RFX7: variants seen among roughly 807,000 people sequenced by gnomAD.
RFX7 encodes the protein regulatory factor X7, also known as DNA-binding protein RFX7.
RFX7 carries 26 observed loss-of-function variants against 111.8 expected under a neutral mutation model. The ratio of observed to expected loss-of-function variants is 0.23; its 90% CI spans 0.17 to 0.32. The LOEUF (loss-of-function observed/expected upper bound fraction) is 0.32, where lower values mean the gene tolerates loss of function less well. RFX7 is among the 10% of genes least tolerant of loss of function. The pLI, the probability that RFX7 is intolerant of heterozygous loss-of-function variation, is 1.00. For missense variants in RFX7, 1,573 were observed against 1,772.9 expected (o/e 0.89, Z 2.02); for synonymous variants, 624 against 624.4 (o/e 1.00, Z 0.01).
At chr15:56,183,317 T>G (rs1032579571) in intron 2 of RFX7, among the ~76,000 whole-genome samples, 1 of 152,134 alleles carries the variant, frequency 6.6e-6, no homozygotes, top group African/African-American at 2.4e-5. Flanking sequence ...TTTTTTTCCT[T>G]TATGAGTTAT....
chr15:56,096,000 G>C lies in RFX7; in HGVS notation c.1728C>G (p.Asp576Glu). 1 of 1,612,418 alleles carries C rather than the reference G, an allele frequency of 6.2e-7. No homozygotes were observed. The highest frequency in any genetic ancestry group is 8.5e-7 in the Non-Finnish European group (1 of 1,179,416). ...SALLGQKSNT[D>E]GALQKPSNEG... ...CATTTGAAGGTTTCTGCAGTGCTCCGTCTGTATTACTTTTCTGCCCCAAAA... is the reference window on the plus strand; with the variant it reads ...CATTTGAAGGTTTCTGCAGTGCTCCCTCTGTATTACTTTTCTGCCCCAAAA... The change falls in exon 10 of 10, where the codon GAC becomes GAG. Residue 576 changes from aspartate (D) to glutamate (E), a missense_variant. Transcript: ENST00000559447.
intron 3 of RFX7, among the ~76,000 whole-genome samples, chr15:56,164,449 G>A (rs1430947966): frequency 6.6e-6 from 1 of 152,146 alleles, no homozygotes; most frequent in Non-Finnish European, 1.5e-5. Flanking sequence ...CTTAGATATG[G>A]AGCAAGCCAT....
At chr15:56,183,603 C>T (rs1469710202) in intron 2 of RFX7, among the ~76,000 whole-genome samples, 1 of 152,146 alleles carries the variant, frequency 6.6e-6, no homozygotes, top group East Asian at 1.9e-4. Flanking sequence ...CACCACACTT[C>T]AAATTTATTA....
At chr15:56,206,116 G>T (rs1464207953) in intron 2 of RFX7, among the ~76,000 whole-genome samples, 8 of 151,960 alleles carry the variant, frequency 5.3e-5, no homozygotes, top group Non-Finnish European at 1.2e-4. Context: ...GCACAGACTA[G>T]AACAGACCTT....
intron 2 of RFX7, among the ~76,000 whole-genome samples, chr15:56,213,549 T>C (rs1011014860): frequency 3.9e-5 from 6 of 152,126 alleles, no homozygotes; most frequent in Admixed American, 1.3e-4. Context: ...AAGAAGTGGG[T>C]AGGGATATAG....
At chr15:56,138,258 T>C (rs1286778808) in intron 5 of RFX7, among the ~76,000 whole-genome samples, 1 of 142,672 alleles carries the variant, frequency 7.0e-6, no homozygotes, top group African/African-American at 2.6e-5. Flanking sequence ...CTAAGTCTCT[T>C]TGTAGGTCAC....
intron 6 of RFX7, 23 bp from the exon 7 acceptor site, chr15:56,102,276 A>G (rs759392138): frequency 6.9e-7 from 1 of 1,441,188 alleles, no homozygotes; most frequent in Non-Finnish European, 9.6e-7. Flanking sequence ...TAAGGTCTAA[A>G]TATTCAAAAT....
chr15:56,141,656 A>AATAAATAAATATATATATATATATAT (rs1555421060), intron 5 of RFX7, among the ~76,000 whole-genome samples: 1 of 83,192 alleles, frequency 1.2e-5, no homozygotes, highest in Non-Finnish European at 2.2e-5. Flanking sequence ...GCTTACTCTA[A>AATAAATAAATATATATATATATATAT]ATATATATAT....
intron 9 of RFX7, among the ~76,000 whole-genome samples, chr15:56,097,640 G>A (rs1357796060): frequency 4.0e-5 from 6 of 150,044 alleles, no homozygotes; most frequent in East Asian, 2.0e-4. Context: ...CCAGTTACTC[G>A]GGAGGCTGAG....
intron 5 of RFX7, among the ~76,000 whole-genome samples, chr15:56,120,587 T>C (rs2042064341): frequency 6.6e-6 from 1 of 152,220 alleles, no homozygotes; most frequent in Non-Finnish European, 1.5e-5. Context: ...GGAAAGGCTT[T>C]CAGTTTTTCC....
chr15:56,107,345 T>C (rs1470274045), intron 5 of RFX7, among the ~76,000 whole-genome samples: 10 of 150,706 alleles, frequency 6.6e-5, no homozygotes, highest in African/African-American at 2.4e-4. Context: ...GTTTTTTTTT[T>C]TCTCTTGCTC....
At chr15:56,243,082 T>C (rs1438121933) in intron 2 of RFX7, 43 bp downstream of exon 2, 8 of 755,716 alleles carry the variant, frequency 1.1e-5, no homozygotes, top group Admixed American at 4.5e-5. Flanking sequence ...GCAGCAGAAA[T>C]GTGCCTGGGC....
chr15:56,225,569 C>T (rs1333240731), intron 2 of RFX7, among the ~76,000 whole-genome samples: 1 of 152,192 alleles, frequency 6.6e-6, no homozygotes, highest in African/African-American at 2.4e-5. Flanking sequence ...CAACATTTCA[C>T]ATCTCACTTT....
Position 56,095,997 on chromosome 15 carries a change from T to C in RFX7, c.1731A>G (p.Gly577=). 6.2e-7 allele frequency: 1 copy of C among 1,612,618 alleles called. No individual in the cohort carries two copies. Among genetic ancestry groups the C allele is most frequent in the Non-Finnish European group, 8.5e-7 (1 of 1,179,484 alleles). The change falls in exon 10 of 10, where the codon GGA becomes GGG. Residue 577 remains glycine, a synonymous_variant. Transcript: ENST00000559447. The stretch of plus-strand genomic sequence containing the variant: ...CTTCATTTGAAGGTTTCTGCAGTGC[T>C]CCGTCTGTATTACTTTTCTGCCCCA... ...ALLGQKSNTD[G]ALQKPSNEGV...
Position 56,094,619 on chromosome 15 carries a change from CATG to C in RFX7, c.3106_3108del (p.His1036del). On this transcript the variant is annotated inframe_deletion, in exon 10 of 10. Coordinates refer to ENST00000559447, the MANE Select transcript of RFX7 (RefSeq NM_022841.7). The stretch of plus-strand genomic sequence containing the variant: ...GGACTACTTGAGACAATGCTGGCGT[CATG>C]ATATGCCATACTGGAGCTTATTGGA... The C allele has an allele frequency of 2.5e-6, 4 of 1,613,940 alleles. No individual in the cohort carries two copies. The highest frequency in any genetic ancestry group is 3.4e-6 in the Non-Finnish European group (4 of 1,179,872).
At chr15:56,207,683 A>G (rs2043268126) in intron 2 of RFX7, among the ~76,000 whole-genome samples, 1 of 152,334 alleles carries the variant, frequency 6.6e-6, no homozygotes, top group African/African-American at 2.4e-5. Flanking sequence ...GCTCTACAAA[A>G]GACTGTTAAG....
At chr15:56,123,722 G>C (rs1415485528) in intron 5 of RFX7, among the ~76,000 whole-genome samples, 4 of 152,220 alleles carry the variant, frequency 2.6e-5, no homozygotes, top group Non-Finnish European at 5.9e-5. Flanking sequence ...CAGTGGTGAG[G>C]CTTGTGGGAA....
intron 2 of RFX7, among the ~76,000 whole-genome samples, chr15:56,223,971 C>CT (rs1272245605): frequency 6.6e-6 from 1 of 151,684 alleles, no homozygotes; most frequent in Non-Finnish European, 1.5e-5. Context: ...ACAACAGAAT[C>CT]TTTTTACAGC....
intron 5 of RFX7, among the ~76,000 whole-genome samples, chr15:56,122,667 G>A (rs551617962): frequency 1.6e-4 from 25 of 152,168 alleles, no homozygotes; most frequent in Non-Finnish European, 2.9e-4. Flanking sequence ...TGCTATCCAG[G>A]AGCAGGATTT....
Sources: gnomAD v4.1 joint callset for allele counts (sites outside exome capture counted in the v4.1 genomes callset) on GRCh38, gnomAD v4.1.1 for gene constraint, MANE v1.5 for transcripts, NCBI Gene and HGNC (gene_info 2026-07-23, HGNC 2026-07-21) for gene names.